The following ZBTB22 variants were observed in gnomAD, a reference collection of about 807,000 sequenced individuals.
ZBTB22 encodes the protein zinc finger and BTB domain containing 22, also known as zinc finger and BTB domain-containing protein 22.
For missense variants in ZBTB22, 668 were observed against 834.1 expected, an observed-to-expected ratio of 0.80 and a Z score of 2.45; for synonymous variants, 356 against 347.3, an observed-to-expected ratio of 1.03 and a Z score of -0.28.
At position 33,315,633 on chromosome 6, in the gene ZBTB22, G is replaced by A. The variant is rs1769804694; in HGVS notation, c.1284C>T (p.Val428=). The A allele has an allele frequency of 1.2e-6, 2 of 1,614,026 alleles. No homozygotes were observed. Among genetic ancestry groups the A allele is most frequent in the East Asian group, 2.2e-5 (1 of 44,868 alleles). Residue 428 remains valine, a synonymous_variant, in exon 2 of 2, where the codon GTC becomes GTT. Coordinates refer to ENST00000431845, the MANE Select transcript of ZBTB22 (RefSeq NM_005453.5). The surrounding 1 kb of genome is among the most constrained non-coding windows in gnomAD (Gnocchi z 5.4). ...PLDMQGNQIL[V]FPSSSSSSSS... ...ATGAGGATGAAGACGACGACGGGAAGACCAGGATCTGGTTGCCCTGCATGT... is the reference window on the plus strand; with the variant it reads ...ATGAGGATGAAGACGACGACGGGAAAACCAGGATCTGGTTGCCCTGCATGT...
In ZBTB22 at chr6:33,316,848, T is replaced by C. The variant is rs774251980; in HGVS notation, c.69A>G (p.Pro23=). Residue 23 remains proline, a synonymous_variant, in exon 2 of 2, where the codon CCA becomes CCG. Transcript: ENST00000431845. This position sits in a 1 kb window ranked among gnomAD's most constrained non-coding sequence, Gnocchi z 7.2. ...LPLPLSLAPP[P]LPLPAAAVVH... ...CCACTGCAGCTGCTGGCAGGGGTAG[T>C]GGGGGCGGAGCCAGCGACAGCGGCA... The C allele has an allele frequency of 1.2e-6, 2 of 1,613,386 alleles. No homozygotes were observed. Among genetic ancestry groups the C allele is most frequent in the Non-Finnish European group, 1.7e-6 (2 of 1,179,820 alleles).
chr6:33,317,649 T>G lies in ZBTB22; in HGVS notation c.-70+4A>C. On this transcript the variant is annotated splice_donor_region_variant and intron_variant, in intron 1 of 1. Transcript: ENST00000431845. ...GCCCCCCAACCTCGCGCGTCCCCGC[T>G]TACCGGGCCGCGCGCCCCCGGGCCC... 1.3e-5 allele frequency: 1 copy of G among 75,684 alleles called. No homozygotes were observed. The highest frequency in any genetic ancestry group is 1.6e-4 in the Admixed American group (1 of 6,064). The allele number at this position is 75,684 out of a possible 1,614,324, so 4.7% of individuals were successfully genotyped here.
rs537122116 is a variant in ZBTB22, at chr6:33,315,368, C to T, written c.1549G>A (p.Val517Met). The change falls in exon 2 of 2, where the codon GTG becomes ATG. Residue 517 changes from valine to methionine, a missense_variant. Val to Met is a conservative substitution (Grantham distance 21, BLOSUM62 1). Coordinates refer to ENST00000431845, the MANE Select transcript of ZBTB22 (RefSeq NM_005453.5). The surrounding 1 kb of genome is among the most constrained non-coding windows in gnomAD (Gnocchi z 5.4). ...HLNLRPFDCP[V>M]CNKKFKMKHH... is the part of the protein sequence containing the mutation. ...TTCATCTTGAACTTTTTGTTGCACA[C>T]GGGGCAGTCAAACGGCCGCAGATTG... 1.9e-6 allele frequency: 3 copies of T among 1,614,182 alleles called. No individual in the cohort carries two copies. The highest frequency in any genetic ancestry group is 3.3e-5 in the Admixed American group (2 of 60,028).
chr6:33,315,493 C>T lies in ZBTB22; in HGVS notation c.1424G>A (p.Gly475Glu). 1 of 1,614,052 alleles carries T rather than the reference C, an allele frequency of 6.2e-7. No homozygotes were observed. Among genetic ancestry groups the T allele is most frequent in the African/African-American group, 1.3e-5 (1 of 75,014 alleles). Residue 475 changes from glycine to glutamate, a missense_variant, in exon 2 of 2, where the codon GGA (glycine) becomes GAA (glutamate). Physicochemically the swap from Gly to Glu is moderately conservative, Grantham distance 98. Coordinates refer to ENST00000431845, the MANE Select transcript of ZBTB22 (RefSeq NM_005453.5). This position sits in a 1 kb window ranked among gnomAD's most constrained non-coding sequence, Gnocchi z 5.4. ...GVPGSVGGVPGGTGSGDGNKI... is the reference protein window; with the variant it reads ...GVPGSVGGVPEGTGSGDGNKI... ...ATTCCCGTCCCCACTGCCAGTCCCT[C>T]CAGGGACCCCACCAACGCTACCCGG...
Position 33,314,702 on chromosome 6 carries a change from T to G in ZBTB22, c.*310A>C, listed in dbSNP as rs1769688195. On this transcript the variant is annotated 3_prime_UTR_variant, in exon 2 of 2. Transcript: ENST00000431845. ...ACCACCTGACCCCTGACCCTGTGACTGCAGGATGTTCAACACGCCCCCTCT... is the reference window on the plus strand; with the variant it reads ...ACCACCTGACCCCTGACCCTGTGACGGCAGGATGTTCAACACGCCCCCTCT... 1 of 398,814 alleles carries G rather than the reference T, an allele frequency of 2.5e-6. No individual in the cohort carries two copies. The highest frequency in any genetic ancestry group is 4.4e-6 in the Non-Finnish European group (1 of 225,060). The allele number at this position is 398,814 out of a possible 1,614,324, so 24.7% of individuals were successfully genotyped here.
In ZBTB22 at chr6:33,314,850, G is replaced by A; in HGVS notation, c.*162C>T. The A allele has an allele frequency of 7.4e-7, 1 of 1,347,446 alleles. No individual in the cohort carries two copies. The highest frequency in any genetic ancestry group is 9.7e-7 in the Non-Finnish European group (1 of 1,026,092). 83.5% of individuals were successfully genotyped at this position (1,347,446 alleles called of 1,614,324 possible). ...AGGGGTTGAGTAGTAGAATGGGCGG[G>A]CGATGGTGAAACTGTGGTTCCCCTT... is the stretch of plus-strand genomic sequence containing the variant. On this transcript the variant is annotated 3_prime_UTR_variant, in exon 2 of 2. Coordinates refer to ENST00000431845, the MANE Select transcript of ZBTB22 (RefSeq NM_005453.5).
In ZBTB22 at chr6:33,314,873, C is replaced by T; in HGVS notation, c.*139G>A. ...GGGCGATGGTGAAACTGTGGTTCCC[C>T]TTCCAGAATATATACAAGTCCACAG... On this transcript the variant is annotated 3_prime_UTR_variant, in exon 2 of 2. Transcript: ENST00000431845. 2.8e-6 allele frequency: 4 copies of T among 1,412,612 alleles called. No homozygotes were observed. The highest frequency in any genetic ancestry group is 2.8e-6 in the Non-Finnish European group (3 of 1,077,344). 87.5% of individuals were successfully genotyped at this position (1,412,612 alleles called of 1,614,324 possible). A position where few individuals can be genotyped will look rare whatever the true frequency, so the allele number is the denominator to read the frequency against.
Position 33,315,063 on chromosome 6 carries a change from G to A in ZBTB22, c.1854C>T (p.Pro618=), listed in dbSNP as rs530907410. 3.4e-5 allele frequency: 54 copies of A among 1,592,066 alleles called. 1 individual carries two copies. In the South Asian group the frequency reaches 5.9e-4, roughly 17 times the overall value. ...AGCCCATCTCCACCTTGTGGACTCT[G>A]GGTGGGGACCAGACACGTCTGCTGG... ...PPSSRRVWSP[P]RVHKVEMGFG... The change falls in exon 2 of 2, where the codon CCC becomes CCT. Residue 618 remains proline (P), a synonymous_variant. Coordinates refer to ENST00000431845, the MANE Select transcript of ZBTB22 (RefSeq NM_005453.5). The surrounding 1 kb of genome is among the most constrained non-coding windows in gnomAD (Gnocchi z 5.4).
At chr6:33,317,086 A>C in intron 1 of ZBTB22, 101 bp from the exon 2 acceptor site, 2 of 777,222 alleles carry the variant, frequency 2.6e-6, no homozygotes, top group Non-Finnish European at 4.0e-6. Context: ...GTAACTCCCC[A>C]CAACAGTGAG....
In ZBTB22 at chr6:33,314,925, GGGA is replaced by G; in HGVS notation, c.*84_*86del. On this transcript the variant is annotated 3_prime_UTR_variant, in exon 2 of 2. Transcript: ENST00000431845. Reference sequence around the variant, plus strand: ...GATAAAGGAAGACAGTAAGTGTGGTGGGAGATCACCCGGGGGCCACAGCGCCCT... The same window carrying G: ...GATAAAGGAAGACAGTAAGTGTGGTGGATCACCCGGGGGCCACAGCGCCCT... The G allele has an allele frequency of 4.7e-6, 7 of 1,503,964 alleles. No homozygotes were observed. Among genetic ancestry groups the G allele is most frequent in the Non-Finnish European group, 6.2e-6 (7 of 1,126,036 alleles). The allele number at this position is 1,503,964 out of a possible 1,614,324, so 93.2% of individuals were successfully genotyped here.
rs1769845436 is a variant in ZBTB22, at chr6:33,316,029, G to A, written c.888C>T (p.His296=). The change falls in exon 2 of 2, where the codon CAC becomes CAT. Residue 296 remains histidine (H), a synonymous_variant. Transcript: ENST00000431845. This position sits in a 1 kb window ranked among gnomAD's most constrained non-coding sequence, Gnocchi z 7.2. ...YTPPSIMPQK[H]WVYVKRGGNC... is the part of the protein sequence containing the mutation. ...TACCACCTCGCTTCACGTATACCCA[G>A]TGTTTCTGTGGCATGATGCTAGGGG... 1 of 1,613,974 alleles carries A rather than the reference G, an allele frequency of 6.2e-7. No homozygotes were observed. Among genetic ancestry groups the A allele is most frequent in the African/African-American group, 1.3e-5 (1 of 74,904 alleles).
chr6:33,314,817 TG>T lies in ZBTB22; in HGVS notation c.*194del, dbSNP rs920664271. The T allele has an allele frequency of 1.5e-4, 165 of 1,111,416 alleles. No homozygotes were observed. The highest frequency in any genetic ancestry group is 1.8e-4 in the Non-Finnish European group (150 of 820,840). The allele number at this position is 1,111,416 out of a possible 1,614,324, so 68.8% of individuals were successfully genotyped here. A position where few individuals can be genotyped will look rare whatever the true frequency, so the allele number is the denominator to read the frequency against. ...GAAGGGTTTAGTTCTGGAAATACCT[TG>T]GGGGGGAGGGGTTGAGTAGTAGAAT... On this transcript the variant is annotated 3_prime_UTR_variant, in exon 2 of 2. Transcript: ENST00000431845.
chr6:33,314,889 A>G lies in ZBTB22; in HGVS notation c.*123T>C. On this transcript the variant is annotated 3_prime_UTR_variant, in exon 2 of 2. Coordinates refer to ENST00000431845, the MANE Select transcript of ZBTB22 (RefSeq NM_005453.5). Reference sequence around the variant, plus strand: ...GTGGTTCCCCTTCCAGAATATATACAAGTCCACAGAGATAAAGGAAGACAG... The same window carrying G: ...GTGGTTCCCCTTCCAGAATATATACGAGTCCACAGAGATAAAGGAAGACAG... 1 of 1,453,942 alleles carries G rather than the reference A, an allele frequency of 6.9e-7. No homozygotes were observed. The allele number at this position is 1,453,942 out of a possible 1,614,324, so 90.1% of individuals were successfully genotyped here.
intron 1 of ZBTB22, among the ~76,000 whole-genome samples, 189 bp downstream of exon 1, chr6:33,317,464 A>G (rs1333820483): frequency 3.8e-5 from 2 of 52,948 alleles, no homozygotes; most frequent in African/African-American, 1.5e-4. Flanking sequence ...CTTTCGCCCC[A>G]GCTTCTCTAG....
Position 33,316,482 on chromosome 6 carries a change from T to A in ZBTB22, c.435A>T (p.Glu145Asp), listed in dbSNP as rs1250166773. Residue 145 changes from glutamate to aspartate, a missense_variant, in exon 2 of 2, where the codon GAA (glutamate) becomes GAT (aspartate). Glu to Asp is a conservative substitution (Grantham distance 45, BLOSUM62 2). Transcript: ENST00000431845. This position sits in a 1 kb window ranked among gnomAD's most constrained non-coding sequence, Gnocchi z 7.2. ...CTGAGGCCCGGCCTTCTCGGAGTAG[T>A]TCAGTGCACTTGTCCACAATGTGCC... is the stretch of plus-strand genomic sequence containing the variant. ...QMWHIVDKCT[E>D]LLREGRASAT... is the part of the protein sequence containing the mutation. 1 of 1,614,202 alleles carries A rather than the reference T, an allele frequency of 6.2e-7. No homozygotes were observed.
chr6:33,317,221 G>A (rs1769944968), intron 1 of ZBTB22, among the ~76,000 whole-genome samples: 1 of 152,174 alleles, frequency 6.6e-6, no homozygotes, highest in African/African-American at 2.4e-5. Context: ...CAAATCTTGT[G>A]CCCTTTCCTT....
Position 33,315,192 on chromosome 6 carries a change from T to C in ZBTB22, c.1725A>G (p.Val575=), listed in dbSNP as rs748230231. 6.2e-7 allele frequency: 1 copy of C among 1,612,152 alleles called. No homozygotes were observed. The highest frequency in any genetic ancestry group is 1.3e-5 in the African/African-American group (1 of 74,784). Residue 575 remains valine, a synonymous_variant, in exon 2 of 2, where the codon GTA becomes GTG. Coordinates refer to ENST00000431845, the MANE Select transcript of ZBTB22 (RefSeq NM_005453.5). This position sits in a 1 kb window ranked among gnomAD's most constrained non-coding sequence, Gnocchi z 5.4. The part of the protein sequence containing the change: ...RRHRLGGVGA[V]PGPGTPTGPS... ...GCCCCGTGGGAGTCCCAGGCCCAGG[T>C]ACGGCCCCGACCCCGCCCAGGCGGT...
At position 33,314,754 on chromosome 6, in the gene ZBTB22, G is replaced by A; in HGVS notation, c.*258C>T. ...CCTCCCTCCATGTGCAATCTACTCT[G>A]TGGAGCAGGGGCTTCAGTGTACCCA... is the stretch of plus-strand genomic sequence containing the variant. On this transcript the variant is annotated 3_prime_UTR_variant, in exon 2 of 2. Transcript: ENST00000431845. The A allele has an allele frequency of 1.7e-6, 1 of 585,448 alleles. No homozygotes were observed. The highest frequency in any genetic ancestry group is 2.7e-6 in the Non-Finnish European group (1 of 369,008). 36.3% of individuals were successfully genotyped at this position (585,448 alleles called of 1,614,324 possible). A position where few individuals can be genotyped will look rare whatever the true frequency, so the allele number is the denominator to read the frequency against.
In ZBTB22 at chr6:33,314,949, G is replaced by C. The variant is rs1769720724; in HGVS notation, c.*63C>G. On this transcript the variant is annotated 3_prime_UTR_variant, in exon 2 of 2. Coordinates refer to ENST00000431845, the MANE Select transcript of ZBTB22 (RefSeq NM_005453.5). ...TGGGAGATCACCCGGGGGCCACAGC[G>C]CCCTTGCATCGTGCTCCTTATTCCC... 2.7e-6 allele frequency: 4 copies of C among 1,507,808 alleles called. No individual in the cohort carries two copies. The highest frequency in any genetic ancestry group is 3.5e-6 in the Non-Finnish European group (4 of 1,127,648). The allele number at this position is 1,507,808 out of a possible 1,614,324, so 93.4% of individuals were successfully genotyped here.
Sources: gnomAD v4.1 joint callset for allele counts (sites outside exome capture counted in the v4.1 genomes callset) on GRCh38, gnomAD v4.1.1 for gene constraint, Gnocchi (gnomAD v3.1) non-coding constraint, MANE v1.5 for transcripts, NCBI Gene and HGNC (gene_info 2026-07-23, HGNC 2026-07-21) for gene names.